Variants in IL17RA observed in about 807,000 individuals in gnomAD.
The protein encoded by IL17RA is interleukin-17 receptor A.
In IL17RA, 34 loss-of-function variants were observed where a neutral mutation model predicts 50.4. The observed-to-expected ratio is 0.67, with a 90% CI of 0.51 to 0.90. IL17RA has a LOEUF of 0.90. Among genes scored for constraint, IL17RA ranks in the 40% least tolerant of loss-of-function variants. The pLI, the probability that IL17RA is intolerant of heterozygous loss-of-function variation, is 0.00. For synonymous variants in IL17RA, 585 were observed against 510.4 expected, an observed-to-expected ratio of 1.15 and a Z score of -1.97; for missense variants, 1,276 against 1,169.8, an observed-to-expected ratio of 1.09 and a Z score of -1.32.
chr22:17,108,219 C>T lies in IL17RA; in HGVS notation c.1088-88C>T, dbSNP rs1470008999. The T allele has an allele frequency of 2.9e-6, 4 of 1,382,476 alleles. No individual in the cohort carries two copies. In the East Asian group the frequency reaches 9.4e-5, roughly 32 times the overall value. The allele number at this position is 1,382,476 out of a possible 1,614,324, so 85.6% of individuals were successfully genotyped here. The stretch of plus-strand genomic sequence containing the variant: ...TTAGGGAGGGAGCCAAGCTCTGTGT[C>T]CTGGTCCAGGCCCCTCCTGGGCTGG... On this transcript the variant is annotated intron_variant, in intron 12 of 12. Transcript: ENST00000319363.
intron 1 of IL17RA, among the ~76,000 whole-genome samples, chr22:17,088,791 TTTTTTA>T (rs943495669): frequency 6.0e-5 from 9 of 150,108 alleles, no homozygotes; most frequent in African/African-American, 1.7e-4. Flanking sequence ...CCTGGCCAAT[TTTTTTA>T]TTTTTATTTT....
At chr22:17,090,734 T>C (rs1447320581) in intron 1 of IL17RA, among the ~76,000 whole-genome samples, 3 of 152,254 alleles carry the variant, frequency 2.0e-5, no homozygotes, top group East Asian at 3.8e-4. Context: ...ATGATTTTAG[T>C]TAAATTAATA....
intron 5 of IL17RA, among the ~76,000 whole-genome samples, chr22:17,101,564 G>A (rs2061391458): frequency 6.6e-6 from 1 of 152,224 alleles, no homozygotes; most frequent in Non-Finnish European, 1.5e-5. Flanking sequence ...TGCTCAATAT[G>A]TATTTGTTGA....
intron 5 of IL17RA, 114 bp from the exon 6 acceptor site, chr22:17,101,882 C>T: frequency 7.5e-7 from 1 of 1,337,540 alleles, no homozygotes; most frequent in Non-Finnish European, 1.1e-6. Context: ...GAAGGGGCCA[C>T]CTGCGGACAG....
In IL17RA at chr22:17,113,310, C is replaced by T. The variant is rs1168226452; in HGVS notation, c.*3490C>T. The stretch of plus-strand genomic sequence containing the variant: ...CCAGGCTCAAGCCATCTTTCCACCT[C>T]AGCCTGCCAGTGGCTAGAACTACAG... On this transcript the variant is annotated 3_prime_UTR_variant, in exon 13 of 13. Transcript: ENST00000319363. The T allele has an allele frequency of 6.6e-6, 1 of 152,366 alleles. No homozygotes were observed. The highest frequency in any genetic ancestry group is 1.5e-5 in the Non-Finnish European group (1 of 68,160). 9.4% of individuals were successfully genotyped at this position (152,366 alleles called of 1,614,324 possible). A position where few individuals can be genotyped will look rare whatever the true frequency, so the allele number is the denominator to read the frequency against.
intron 7 of IL17RA, among the ~76,000 whole-genome samples, chr22:17,102,555 TTC>T (rs1209911545): frequency 4.6e-5 from 7 of 152,058 alleles, no homozygotes; most frequent in African/African-American, 1.4e-4. Context: ...CGCCCCCTTG[TTC>T]TCTTTTTGTT....
rs2061394825 is a variant in IL17RA, at chr22:17,102,297, C to A, written c.757C>A (p.Pro253Thr). ...HSCFEHMHHIPAPRPEEFHQR... is the reference protein window; with the variant it reads ...HSCFEHMHHITAPRPEEFHQR... ...TTGCTTTGAGCACATGCACCACATA[C>A]CTGCGGTAACTCTGCTCTTTTTGAC... The change falls in exon 7 of 13, where the codon CCT becomes ACT. Residue 253 changes from proline (P) to threonine (T), a missense_variant. By Grantham distance (38) the Pro-to-Thr change is conservative. Coordinates refer to ENST00000319363, the MANE Select transcript of IL17RA (RefSeq NM_014339.7). 2 of 1,614,188 alleles carry A rather than the reference C, an allele frequency of 1.2e-6. No homozygotes were observed. Among genetic ancestry groups the A allele is most frequent in the Non-Finnish European group, 1.7e-6 (2 of 1,180,032 alleles).
chr22:17,108,720 G>A lies in IL17RA; in HGVS notation c.1501G>A (p.Val501Ile). 6.2e-7 allele frequency: 1 copy of A among 1,611,332 alleles called. No homozygotes were observed. Among genetic ancestry groups the A allele is most frequent in the South Asian group, 1.1e-5 (1 of 91,064 alleles). The change falls in exon 13 of 13, where the codon GTC becomes ATC. Residue 501 changes from valine to isoleucine, a missense_variant. Coordinates refer to ENST00000319363, the MANE Select transcript of IL17RA (RefSeq NM_014339.7). ...GCCAGCCTGCTTCGGCACCTACGTA[G>A]TCTGCTACTTCAGCGAGGTCAGCTG... is the stretch of plus-strand genomic sequence containing the variant. ...KRPACFGTYV[V>I]CYFSEVSCDG...
intron 3 of IL17RA, among the ~76,000 whole-genome samples, chr22:17,098,195 G>A (rs1221085286): frequency 2.0e-5 from 3 of 151,998 alleles, no homozygotes; most frequent in Non-Finnish European, 4.4e-5. Context: ...AGCACCCTGA[G>A]GGGAAAAAAA....
In IL17RA at chr22:17,102,048, C is replaced by T. The variant is rs765670063; in HGVS notation, c.598+5C>T. 5.2e-5 allele frequency: 84 copies of T among 1,614,088 alleles called. 1 individual carries two copies. In the South Asian group the frequency reaches 9.0e-4, roughly 17 times the overall value. Reference sequence around the variant, plus strand: ...CCACGCCATGCATGAGCTCAGGTAACAGCTGGCCCGGGAGAGCTTTATTTG... The same window carrying T: ...CCACGCCATGCATGAGCTCAGGTAATAGCTGGCCCGGGAGAGCTTTATTTG... On this transcript the variant is annotated splice_donor_5th_base_variant and intron_variant, in intron 6 of 12. Transcript: ENST00000319363.
Position 17,094,703 on chromosome 22 carries a change from A to ATGTG in IL17RA, c.139-2358_139-2357insGTGT, listed in dbSNP as rs1555873372. 3.8e-4 allele frequency among the ~76,000 whole-genome samples: 25 copies of ATGTG among 65,856 alleles called. 2 individuals carry two copies. Among genetic ancestry groups the ATGTG allele is most frequent in the African/African-American group, 1.7e-3 (19 of 11,076 alleles). 43.2% of individuals were successfully genotyped at this position (65,856 alleles called of 152,430 possible). A position where few individuals can be genotyped will look rare whatever the true frequency, so the allele number is the denominator to read the frequency against. ...TCTCTCTCTCTCTCTATATATATAT[A>ATGTG]TATATATATATATATTCAGGGAGAT... On this transcript the variant is annotated intron_variant, in intron 1 of 12. Transcript: ENST00000319363.
At chr22:17,102,399 G>C in intron 7 of IL17RA, 97 bp downstream of exon 7, 1 of 1,342,840 alleles carries the variant, frequency 7.4e-7, no homozygotes, top group Non-Finnish European at 1.1e-6. Context: ...CGCGTTGCTA[G>C]AAGCTCGCGA....
At chr22:17,107,126 A>C (rs1253024396) in intron 11 of IL17RA, among the ~76,000 whole-genome samples, 1 of 152,188 alleles carries the variant, frequency 6.6e-6, no homozygotes, top group Non-Finnish European at 1.5e-5. Flanking sequence ...ACAATTGCTT[A>C]AGTATGTGGG....
In IL17RA at chr22:17,103,494, CCCAGA is replaced by C. The variant is rs1057518747; in HGVS notation, c.769_773del (p.Pro257ArgfsTer16). ...TACCCATCCTCGCCTCTCTCCTCAG[CCCAGA>C]CCAGAAGAGTTCCACCAGCGATCCA... On this transcript the variant is annotated frameshift_variant and splice_region_variant, in exon 8 of 13. Coordinates refer to ENST00000319363, the MANE Select transcript of IL17RA (RefSeq NM_014339.7). LOFTEE classifies it high-confidence loss of function. 1.9e-6 allele frequency: 3 copies of C among 1,613,242 alleles called. No individual in the cohort carries two copies. Among genetic ancestry groups the C allele is most frequent in the Non-Finnish European group, 2.5e-6 (3 of 1,179,658 alleles).
Position 17,109,108 on chromosome 22 carries a change from A to G in IL17RA, c.1889A>G (p.Gln630Arg), listed in dbSNP as rs1338337623. 1.9e-6 allele frequency: 3 copies of G among 1,557,288 alleles called. No homozygotes were observed. The highest frequency in any genetic ancestry group is 2.3e-5 in the South Asian group (2 of 86,264). Residue 630 changes from glutamine to arginine, a missense_variant, in exon 13 of 13, where the codon CAG (glutamine) becomes CGG (arginine). Gln to Arg is a conservative substitution (Grantham distance 43, BLOSUM62 1). Transcript: ENST00000319363. Reference protein sequence around the residue: ...RAPLVREPGSQACLAIDPLVG... With the variant: ...RAPLVREPGSRACLAIDPLVG... ...CCCCTGGTGCGCGAGCCTGGCTCCCAGGCCTGCCTGGCCATAGACCCGCTG... is the reference window on the plus strand; with the variant it reads ...CCCCTGGTGCGCGAGCCTGGCTCCCGGGCCTGCCTGGCCATAGACCCGCTG...
chr22:17,109,331 G>A lies in IL17RA; in HGVS notation c.2112G>A (p.Pro704=). ...TGGCGGGGGAGGGCGAGGCCTGCCCGCTGCTGGGCAGCCCGGGCGCTGGGC... is the reference window on the plus strand; with the variant it reads ...TGGCGGGGGAGGGCGAGGCCTGCCCACTGCTGGGCAGCCCGGGCGCTGGGC... ...LALAGEGEAC[P]LLGSPGAGRN... Residue 704 remains proline, a synonymous_variant, in exon 13 of 13, where the codon CCG becomes CCA. Transcript: ENST00000319363. 3.9e-6 allele frequency: 6 copies of A among 1,557,608 alleles called. No homozygotes were observed. The highest frequency in any genetic ancestry group is 2.4e-5 in the East Asian group (1 of 42,322).
intron 2 of IL17RA, chr22:17,097,438 G>T: frequency 2.0e-6 from 1 of 509,552 alleles, no homozygotes; most frequent in East Asian, 3.6e-5. Flanking sequence ...ATTCAAAGAG[G>T]CACATATTCA....
intron 4 of IL17RA, among the ~76,000 whole-genome samples, chr22:17,099,421 G>A (rs2061381794): frequency 6.6e-6 from 1 of 152,072 alleles, no homozygotes; most frequent in South Asian, 2.1e-4. Context: ...TCAAAGTGTG[G>A]TCCGTAGACC....
intron 1 of IL17RA, among the ~76,000 whole-genome samples, chr22:17,091,410 C>T (rs1215481610): frequency 1.3e-5 from 2 of 152,198 alleles, no homozygotes; most frequent in Non-Finnish European, 2.9e-5. Flanking sequence ...GGCGCCGTAG[C>T]TTACGCCTAT....
Sources: gnomAD v4.1 joint callset for allele counts (sites outside exome capture counted in the v4.1 genomes callset) on GRCh38, gnomAD v4.1.1 for gene constraint, MANE v1.5 for transcripts, NCBI Gene and HGNC (gene_info 2026-07-23, HGNC 2026-07-21) for gene names.